PTCD3: variants seen among roughly 807,000 people sequenced by gnomAD.
PTCD3 encodes the protein small ribosomal subunit protein mS39.
In PTCD3, 89 loss-of-function variants were observed where a neutral mutation model predicts 101.9. The observed-to-expected ratio is 0.87, with a 90% CI of 0.74 to 1.04. The LOEUF (loss-of-function observed/expected upper bound fraction) is 1.04. Ranked by LOEUF, PTCD3 falls within the 50% of genes least tolerant of loss-of-function variation. The pLI is 0.00. For missense variants in PTCD3, 870 were observed against 828.2 expected, an observed-to-expected ratio of 1.05 and a Z score of -0.62; for synonymous variants, 296 against 278.5, an observed-to-expected ratio of 1.06 and a Z score of -0.63.
chr2:86,130,835 G>A, intron 15 of PTCD3, 98 bp downstream of exon 15: 2 of 1,457,364 alleles, frequency 1.4e-6, no homozygotes, highest in Non-Finnish European at 1.8e-6. Flanking sequence ...TAGCTTAGAA[G>A]TATTTTTTTT....
At chr2:86,125,996 G>A (rs953708193) in intron 12 of PTCD3, 116 bp downstream of exon 12, 8 of 628,828 alleles carry the variant, frequency 1.3e-5, no homozygotes, top group Middle Eastern at 9.1e-4. Context: ...TTGGGAGGCC[G>A]AGGCGGGCAG....
chr2:86,108,126 TAAAAAA>T (rs368815233), intron 1 of PTCD3, among the ~76,000 whole-genome samples: 24 of 119,048 alleles, frequency 2.0e-4, no homozygotes, highest in Non-Finnish European at 2.3e-4. Context: ...ACCCTGTCTC[TAAAAAA>T]AAAAAAAAAA....
In PTCD3 at chr2:86,134,882, C is replaced by A; in HGVS notation, c.1673C>A (p.Ala558Glu). 6.2e-7 allele frequency: 1 copy of A among 1,614,098 alleles called. No homozygotes were observed. Among genetic ancestry groups the A allele is most frequent in the African/African-American group, 1.3e-5 (1 of 75,012 alleles). Residue 558 changes from alanine (A) to glutamate (E), a missense_variant, in exon 21 of 24, where the codon GCG (alanine) becomes GAG (glutamate). By Grantham distance (107) the Ala-to-Glu change is moderately radical. Coordinates refer to ENST00000254630, the MANE Select transcript of PTCD3 (RefSeq NM_017952.6). ...FADCAADIKS[A>E]YESQPIRQTA... ...GACTGTGCTGCTGATATCAAATCTG[C>A]GTATGAAAGCCAACCCATCAGACAG...
At chr2:86,107,291 G>C (rs955684692) in intron 1 of PTCD3, 5 of 461,194 alleles carry the variant, frequency 1.1e-5, no homozygotes, top group South Asian at 7.8e-5. Flanking sequence ...TGTGATCTCT[G>C]TTTTAAGGTC....
chr2:86,141,287 C>CAT lies in PTCD3; in HGVS notation c.*3729_*3730dup, dbSNP rs1674680486. 2.0e-5 allele frequency: 3 copies of CAT among 152,252 alleles called. No individual in the cohort carries two copies. Among genetic ancestry groups the CAT allele is most frequent in the African/African-American group, 7.2e-5 (3 of 41,458 alleles). 9.4% of individuals were successfully genotyped at this position (152,252 alleles called of 1,614,324 possible). On this transcript the variant is annotated 3_prime_UTR_variant, in exon 24 of 24. Transcript: ENST00000254630. ...CAAGCTCCCTGCCAACCTCTGGATA[C>CAT]ATCAATGGGAAGGAAACCAGGGAAG...
In PTCD3 at chr2:86,125,874, A is replaced by G. The variant is rs1674374885; in HGVS notation, c.945A>G (p.Lys315=). The G allele has an allele frequency of 1.9e-6, 3 of 1,591,442 alleles. No individual in the cohort carries two copies. Among genetic ancestry groups the G allele is most frequent in the African/African-American group, 1.3e-5 (1 of 74,548 alleles). ...INEKFEEKWS[K]ILELLRHMVA... ...AGAAATTTGAGGAAAAATGGAGTAA[A>G]ATACTGGTAAGGAGGAATCCTCAGT... Residue 315 remains lysine, a synonymous_variant, in exon 12 of 24, where the codon AAA becomes AAG. Coordinates refer to ENST00000254630, the MANE Select transcript of PTCD3 (RefSeq NM_017952.6).
At position 86,107,315 on chromosome 2, in the gene PTCD3, A is replaced by T. The variant is rs1573844468; in HGVS notation, c.104+964A>T. ...TGTTTTAAGGTCATGAGAAACAAAT[A>T]GTGTGACTTGAAAGAGTTGATCTCA... On this transcript the variant is annotated intron_variant, in intron 1 of 23. Coordinates refer to ENST00000254630, the MANE Select transcript of PTCD3 (RefSeq NM_017952.6). 6.9e-6 allele frequency: 3 copies of T among 433,034 alleles called. No individual in the cohort carries two copies. The East Asian group carries it at 2.1e-4, about 31-fold the overall frequency. 26.8% of individuals were successfully genotyped at this position (433,034 alleles called of 1,614,324 possible). A position where few individuals can be genotyped will look rare whatever the true frequency, so the allele number is the denominator to read the frequency against.
In PTCD3 at chr2:86,133,415, G is replaced by A; in HGVS notation, c.1522G>A (p.Val508Met). ...QALDVANRLE[V>M]IPKIWKDSKE... ...ATTGGATGTGGCCAATCGGCTAGAAGTGATTCCTAAAATTTGGAAAGGTCA... is the reference window on the plus strand; with the variant it reads ...ATTGGATGTGGCCAATCGGCTAGAAATGATTCCTAAAATTTGGAAAGGTCA... The change falls in exon 19 of 24, where the codon GTG becomes ATG. Residue 508 changes from valine to methionine, a missense_variant. Val to Met is a conservative substitution (Grantham distance 21, BLOSUM62 1). Transcript: ENST00000254630. 2 of 1,613,976 alleles carry A rather than the reference G, an allele frequency of 1.2e-6. No individual in the cohort carries two copies. The highest frequency in any genetic ancestry group is 1.7e-6 in the Non-Finnish European group (2 of 1,179,840).
In PTCD3 at chr2:86,106,275, C is replaced by T. The variant is rs768608688; in HGVS notation, c.28C>T (p.Leu10=). The T allele has an allele frequency of 4.5e-5, 72 of 1,613,742 alleles. 3 individuals carry two copies. The South Asian group carries it at 6.1e-4, about 14-fold the overall frequency. ...GGCGGTTGTATCTGCTGTTCGCTGGCTGGGCCTCCGCAGCAGGCTTGGCCA... is the reference window on the plus strand; with the variant it reads ...GGCGGTTGTATCTGCTGTTCGCTGGTTGGGCCTCCGCAGCAGGCTTGGCCA... MAVVSAVRW[L]GLRSRLGQPL... Residue 10 remains leucine, a synonymous_variant, in exon 1 of 24, where the codon CTG becomes TTG. Coordinates refer to ENST00000254630, the MANE Select transcript of PTCD3 (RefSeq NM_017952.6).
rs200154015 is a variant in PTCD3, at chr2:86,130,629, T to A, written c.1148-19T>A. 16 of 1,604,092 alleles carry A rather than the reference T, an allele frequency of 1.0e-5. No homozygotes were observed. The South Asian group carries it at 1.8e-4, about 18-fold the overall frequency. On this transcript the variant is annotated intron_variant, in intron 14 of 23. Transcript: ENST00000254630. ...GGTAAAGGAAGTGGATTAAACACAT[T>A]TGCTTTCTTGTTCTGCAGGAGACCC...
At chr2:86,108,472 C>T in intron 2 of PTCD3, 28 bp from the exon 3 acceptor site, 1 of 1,587,468 alleles carries the variant, frequency 6.3e-7, no homozygotes, top group Non-Finnish European at 8.5e-7. Flanking sequence ...TACTAGGAAA[C>T]TGATTCATGT....
Position 86,133,438 on chromosome 2 carries a change from T to G in PTCD3, c.1543+2T>G, listed in dbSNP as rs1573858746. The G allele has an allele frequency of 6.2e-7, 1 of 1,606,408 alleles. No homozygotes were observed. The highest frequency in any genetic ancestry group is 8.5e-7 in the Non-Finnish European group (1 of 1,173,050). ...AAGTGATTCCTAAAATTTGGAAAGG[T>G]CAGTTTTACTTTTTATGTGTCCAGG... On this transcript the variant is annotated splice_donor_variant, in intron 19 of 23. Coordinates refer to ENST00000254630, the MANE Select transcript of PTCD3 (RefSeq NM_017952.6). LOFTEE classifies it high-confidence loss of function.
chr2:86,130,978 C>T (rs1573857476), intron 15 of PTCD3, 100 bp from the exon 16 acceptor site: 6 of 1,400,106 alleles, frequency 4.3e-6, no homozygotes, highest in East Asian at 4.8e-5. Flanking sequence ...CTTTATCTTG[C>T]ATGTTACCAG....
In PTCD3 at chr2:86,127,286, A is replaced by G. The variant is rs767425871; in HGVS notation, c.1077A>G (p.Glu359=). Residue 359 remains glutamate (E), a synonymous_variant, in exon 13 of 24, where the codon GAA becomes GAG. Coordinates refer to ENST00000254630, the MANE Select transcript of PTCD3 (RefSeq NM_017952.6). ...CGCCAGCCTTACAGGTTTTACGTGA[A>G]ATGAAAGCCATTGGAATAGGTGAGG... ...ARSPALQVLR[E]MKAIGIEPSL... is the part of the protein sequence containing the mutation. 4.0e-5 allele frequency: 65 copies of G among 1,613,960 alleles called. No individual in the cohort carries two copies. Among genetic ancestry groups the G allele is most frequent in the Non-Finnish European group, 5.3e-5 (62 of 1,180,012 alleles).
intron 8 of PTCD3, among the ~76,000 whole-genome samples, chr2:86,123,261 TAAAA>T (rs3077184): frequency 7.0e-6 from 1 of 142,048 alleles, no homozygotes; most frequent in Admixed American, 7.0e-5. Context: ...GACTCTGTCT[TAAAA>T]AAAAAAAAAA....
intron 12 of PTCD3, among the ~76,000 whole-genome samples, chr2:86,126,234 A>C (rs1412346181): frequency 1.3e-5 from 2 of 150,484 alleles, no homozygotes; most frequent in Admixed American, 1.3e-4. Context: ...CGTCTCAAAA[A>C]AAAAAAAAAG....
Position 86,142,010 on chromosome 2 carries a change from A to G in PTCD3, c.*4451A>G, listed in dbSNP as rs1248839619. On this transcript the variant is annotated 3_prime_UTR_variant, in exon 24 of 24. Coordinates refer to ENST00000254630, the MANE Select transcript of PTCD3 (RefSeq NM_017952.6). The stretch of plus-strand genomic sequence containing the variant: ...AGGAAGGAAAATACAGGCCTGGCCA[A>G]GCAGGGTCCCCTTTTCGGTATCATC... 6.6e-6 allele frequency: 1 copy of G among 151,906 alleles called. No individual in the cohort carries two copies. Among genetic ancestry groups the G allele is most frequent in the East Asian group, 1.9e-4 (1 of 5,160 alleles). The allele number at this position is 151,906 out of a possible 1,614,324, so 9.4% of individuals were successfully genotyped here. A position where few individuals can be genotyped will look rare whatever the true frequency, so the allele number is the denominator to read the frequency against.
rs761340331 is a variant in PTCD3 at position 86,124,984 on chromosome 2, CTT to C, written c.717-10_717-9del. ...TATTGCCTGGGTTCACATTTACTCT[CTT>C]GTGTCTAGAGCAAAAAACAACGCTG... On this transcript the variant is annotated splice_polypyrimidine_tract_variant and intron_variant, in intron 9 of 23. Transcript: ENST00000254630. 6.2e-6 allele frequency: 10 copies of C among 1,613,518 alleles called. No individual in the cohort carries two copies. The highest frequency in any genetic ancestry group is 5.5e-5 in the South Asian group (5 of 90,944).
intron 14 of PTCD3, among the ~76,000 whole-genome samples, chr2:86,129,171 A>C (rs1271648686): frequency 1.3e-5 from 2 of 152,216 alleles, no homozygotes; most frequent in African/African-American, 4.8e-5. Context: ...AATTTTACTC[A>C]ACCTTGGTGA....
Sources: gnomAD v4.1 joint callset for allele counts (sites outside exome capture counted in the v4.1 genomes callset) on GRCh38, gnomAD v4.1.1 for gene constraint, MANE v1.5 for transcripts, NCBI Gene and HGNC (gene_info 2026-07-23, HGNC 2026-07-21) for gene names.